Variants in AKAP10 observed in about 807,000 individuals in gnomAD.
AKAP10 encodes A-kinase anchoring protein 10.
AKAP10 carries 24 observed loss-of-function variants against 80.8 expected under a neutral mutation model. The observed-to-expected ratio is 0.30, with a 90% confidence interval of 0.22 to 0.42. The LOEUF is 0.42. Ranked by LOEUF, AKAP10 falls within the 10% of genes least tolerant of loss-of-function variation. The probability of loss-of-function intolerance (pLI) is 1.00; values close to 1 mark genes in which losing one functional copy is unlikely to be tolerated. For missense variants in AKAP10, 661 were observed against 794.9 expected (o/e 0.83, Z 2.03); for synonymous variants, 291 against 277.7 (o/e 1.05, Z -0.48).
At chr17:19,920,367 T>C (rs572135772) in intron 11 of AKAP10, among the ~76,000 whole-genome samples, 2 of 152,236 alleles carry the variant, frequency 1.3e-5, no homozygotes, top group Middle Eastern at 3.4e-3. Context: ...AACAGGTAAT[T>C]CACAATTCTA....
At position 19,952,939 on chromosome 17, in the gene AKAP10, A is replaced by G. The variant is rs1300070992; in HGVS notation, c.877+5075T>C. Among the ~76,000 whole-genome samples the G allele has an allele frequency of 2.6e-5, 4 of 152,228 alleles. No individual in the cohort carries two copies. In the East Asian group the frequency reaches 7.7e-4, roughly 29 times the overall value. On this transcript the variant is annotated intron_variant, in intron 4 of 14. Transcript: ENST00000225737. ...CATTAACCAACTAAATCAACTTGAC[A>G]TTTATAGAAAACTGTCCAAAAACAG...
chr17:19,957,399 G>C (rs145450172), intron 4 of AKAP10, among the ~76,000 whole-genome samples: 1 of 151,736 alleles, frequency 6.6e-6, no homozygotes, highest in South Asian at 2.1e-4. Flanking sequence ...AAAATTAGCC[G>C]GGTGTGGTGG....
In AKAP10 at chr17:19,931,870, C is replaced by A. The variant is rs1274395468; in HGVS notation, c.1576G>T (p.Ala526Ser). The A allele has an allele frequency of 1.9e-6, 3 of 1,614,130 alleles. No homozygotes were observed. In the East Asian group the frequency reaches 6.7e-5, roughly 36 times the overall value. Reference protein sequence around the residue: ...EFLGGNVSLTAPGSVGPPDES... With the variant: ...EFLGGNVSLTSPGSVGPPDES... ...TCAGGAGGGCCAACAGAGCCAGGAG[C>A]AGTCAGCGACACGTTCCCGCCCAGA... The change falls in exon 10 of 15, where the codon GCT becomes TCT. Residue 526 changes from alanine (A) to serine (S), a missense_variant. By Grantham distance (99) the Ala-to-Ser change is moderately conservative. Transcript: ENST00000225737.
At chr17:19,944,518 G>A (rs1268526923) in intron 5 of AKAP10, among the ~76,000 whole-genome samples, 1 of 152,112 alleles carries the variant, frequency 6.6e-6, no homozygotes, top group Non-Finnish European at 1.5e-5. Flanking sequence ...AGCCAGGCGT[G>A]GTGGCGAGCG....
chr17:19,914,628 CAAA>C (rs36071856), intron 12 of AKAP10, among the ~76,000 whole-genome samples: 1 of 58,506 alleles, frequency 1.7e-5, no homozygotes, highest in Non-Finnish European at 3.3e-5. Flanking sequence ...GACCCTATCT[CAAA>C]AAAAAAAAAA....
intron 2 of AKAP10, among the ~76,000 whole-genome samples, chr17:19,966,367 G>A (rs2043418834): frequency 6.6e-6 from 1 of 151,908 alleles, no homozygotes; most frequent in Non-Finnish European, 1.5e-5. Flanking sequence ...CTTGATTAAT[G>A]TTCCTCTCCC....
chr17:19,930,620 A>C (rs1296720896), intron 10 of AKAP10, among the ~76,000 whole-genome samples: 1 of 151,952 alleles, frequency 6.6e-6, no homozygotes, highest in Non-Finnish European at 1.5e-5. Context: ...CTGTCTCTTT[A>C]CAAAAAAAAA....
chr17:19,933,821 C>T (rs1438437443), intron 9 of AKAP10, among the ~76,000 whole-genome samples: 3 of 152,132 alleles, frequency 2.0e-5, no homozygotes, highest in African/African-American at 7.2e-5. Flanking sequence ...CACATACAAG[C>T]AACATAACCT....
At chr17:19,930,347 T>C (rs1007177555) in intron 10 of AKAP10, among the ~76,000 whole-genome samples, 3 of 152,188 alleles carry the variant, frequency 2.0e-5, no homozygotes, top group African/African-American at 7.2e-5. Flanking sequence ...CTTAGATTTC[T>C]TGTCTTAGGA....
chr17:19,949,640 C>A (rs896241470), intron 4 of AKAP10, among the ~76,000 whole-genome samples: 2 of 151,896 alleles, frequency 1.3e-5, no homozygotes, highest in African/African-American at 2.4e-5. Context: ...TGGTGGCGCG[C>A]ACCTGTAATC....
intron 10 of AKAP10, among the ~76,000 whole-genome samples, chr17:19,929,999 C>CAAAAAAAAAAAAAAAAAAAAAAA (rs11365343): frequency 1.2e-5 from 1 of 81,846 alleles, no homozygotes; most frequent in Admixed American, 1.3e-4. Context: ...CAACAAAAAC[C>CAAAAAAAAAAAAAAAAAAAAAAA]AAAAAAAAAA....
At chr17:19,937,105 GA>G (rs35718069) in intron 8 of AKAP10, among the ~76,000 whole-genome samples, 32,049 of 144,860 alleles carry the variant, frequency 0.22, 3,572 homozygotes, top group Middle Eastern at 0.29. Flanking sequence ...TTAAATGCGA[GA>G]AAAAAAAAAA....
At chr17:19,929,174 T>C (rs1206343718) in intron 10 of AKAP10, among the ~76,000 whole-genome samples, 1 of 152,108 alleles carries the variant, frequency 6.6e-6, no homozygotes, top group Non-Finnish European at 1.5e-5. Flanking sequence ...TCTATAGAGA[T>C]AAAAAGTAGA....
At chr17:19,954,651 A>AT (rs575010093) in intron 4 of AKAP10, among the ~76,000 whole-genome samples, 38,629 of 139,966 alleles carry the variant, frequency 0.28, 5,565 homozygotes, top group African/African-American at 0.36. Context: ...CGCCCGGCTA[A>AT]TTTTTTTTTT....
chr17:19,922,682 C>T (rs961101979), intron 11 of AKAP10, among the ~76,000 whole-genome samples: 6 of 152,120 alleles, frequency 3.9e-5, no homozygotes, highest in Admixed American at 6.5e-5. Flanking sequence ...GGGTGGATCA[C>T]GAGGTCAGGA....
Position 19,962,285 on chromosome 17 carries a change from TAC to T in AKAP10, c.319+553_319+554del, listed in dbSNP as rs1165294102. On this transcript the variant is annotated intron_variant, in intron 3 of 14. Coordinates refer to ENST00000225737, the MANE Select transcript of AKAP10 (RefSeq NM_007202.4). ...CAACATACATACATACATACATACATACATACATATACACACACACACACACA... is the reference window on the plus strand; with the variant it reads ...CAACATACATACATACATACATACATATACATATACACACACACACACACA... Among the ~76,000 whole-genome samples the T allele has an allele frequency of 7.8e-3, 1,053 of 134,778 alleles. 11 individuals are homozygous for T. The highest frequency in any genetic ancestry group is 0.021 in the African/African-American group (751 of 36,266). 88.4% of individuals were successfully genotyped at this position (134,778 alleles called of 152,430 possible). A position where few individuals can be genotyped will look rare whatever the true frequency, so the allele number is the denominator to read the frequency against.
At chr17:19,920,388 A>G (rs947501677) in intron 11 of AKAP10, among the ~76,000 whole-genome samples, 1 of 152,214 alleles carries the variant, frequency 6.6e-6, no homozygotes, top group African/African-American at 2.4e-5. Flanking sequence ...AAATTCACAA[A>G]TAAGAAAAAA....
chr17:19,910,987 C>G (rs967218728), intron 12 of AKAP10, among the ~76,000 whole-genome samples: 1 of 152,208 alleles, frequency 6.6e-6, no homozygotes, highest in African/African-American at 2.4e-5. Flanking sequence ...CACTTCCTAA[C>G]TTTGCTTTAA....
At chr17:19,931,704 TCCACAAC>T in intron 10 of AKAP10, 94 bp downstream of exon 10, 2 of 1,377,410 alleles carry the variant, frequency 1.5e-6, no homozygotes, top group Admixed American at 2.6e-5. Context: ...ATCTTTTTTT[TCCACAAC>T]TTAAAATTTA....
Sources: gnomAD v4.1 joint callset for allele counts (sites outside exome capture counted in the v4.1 genomes callset) on GRCh38, gnomAD v4.1.1 for gene constraint, MANE v1.5 for transcripts, NCBI Gene and HGNC (gene_info 2026-07-23, HGNC 2026-07-21) for gene names.